The following FAF1 variants were observed in gnomAD, a reference collection of about 807,000 sequenced individuals.
FAF1 encodes Fas associated factor 1.
FAF1 carries 25 observed loss-of-function variants against 92.5 expected under a neutral mutation model. That is an observed-to-expected ratio of 0.27 (90% CI 0.20 to 0.38). The LOEUF (loss-of-function observed/expected upper bound fraction) is 0.38, where lower values mean the gene tolerates loss of function less well. Ranked by LOEUF, FAF1 falls within the 10% of genes least tolerant of loss-of-function variation. The pLI is 1.00. For synonymous variants in FAF1, 234 were observed against 273.2 expected (o/e 0.86, Z 1.42); for missense variants, 636 against 793.3 (o/e 0.80, Z 2.38).
chr1:50,544,318 A>G (rs1648900740), intron 13 of FAF1, among the ~76,000 whole-genome samples: 1 of 152,246 alleles, frequency 6.6e-6, no homozygotes, highest in Admixed American at 6.5e-5. Context: ...TTAGTGGCCT[A>G]TAAATCACCT....
chr1:50,941,870 T>C (rs746369720), intron 1 of FAF1, among the ~76,000 whole-genome samples: 18 of 152,254 alleles, frequency 1.2e-4, no homozygotes, highest in African/African-American at 1.9e-4. Flanking sequence ...GTAAATTTTA[T>C]ACATACTTTG....
chr1:50,914,217 T>C (rs1283680298), intron 1 of FAF1, among the ~76,000 whole-genome samples: 1 of 152,244 alleles, frequency 6.6e-6, no homozygotes, highest in Admixed American at 6.5e-5. Flanking sequence ...TTAACAGCTA[T>C]GATTTAATTT....
At chr1:50,900,480 T>C (rs1459880427) in intron 1 of FAF1, among the ~76,000 whole-genome samples, 1 of 152,148 alleles carries the variant, frequency 6.6e-6, no homozygotes, top group Non-Finnish European at 1.5e-5. Context: ...GAAGCAATTT[T>C]GAGAGTGACC....
At chr1:50,575,524 T>C (rs892858346) in intron 12 of FAF1, among the ~76,000 whole-genome samples, 6 of 152,220 alleles carry the variant, frequency 3.9e-5, no homozygotes, top group African/African-American at 1.4e-4. Flanking sequence ...TTTGGAATTA[T>C]GTGGTGTCAT....
chr1:50,708,251 G>A (rs1486968820), intron 6 of FAF1, among the ~76,000 whole-genome samples: 1 of 152,188 alleles, frequency 6.6e-6, no homozygotes, highest in Non-Finnish European at 1.5e-5. Context: ...GGAAAGAAGT[G>A]ACAGTAGCTT....
At chr1:50,794,268 A>G (rs1469328214) in intron 3 of FAF1, among the ~76,000 whole-genome samples, 1 of 152,014 alleles carries the variant, frequency 6.6e-6, no homozygotes, top group African/African-American at 2.4e-5. Context: ...TTAACTGAGG[A>G]AAAAAAAATT....
chr1:50,474,370 T>C (rs1646612536), intron 18 of FAF1, among the ~76,000 whole-genome samples: 1 of 152,212 alleles, frequency 6.6e-6, no homozygotes, highest in Admixed American at 6.5e-5. Context: ...GCTTCGTTTT[T>C]CAGCATGAAG....
At chr1:50,714,512 AAAAC>A (rs1023897570) in intron 6 of FAF1, among the ~76,000 whole-genome samples, 6 of 152,268 alleles carry the variant, frequency 3.9e-5, no homozygotes, top group South Asian at 2.1e-4. Flanking sequence ...CTTTGTCTCA[AAAAC>A]AAACAAACAA....
At chr1:50,825,152 T>C (rs1644084283) in intron 2 of FAF1, among the ~76,000 whole-genome samples, 1 of 152,098 alleles carries the variant, frequency 6.6e-6, no homozygotes, top group Non-Finnish European at 1.5e-5. Context: ...AGGTGATGGA[T>C]ATCCTGATTA....
At chr1:50,819,105 G>C (rs1644005937) in intron 2 of FAF1, among the ~76,000 whole-genome samples, 1 of 152,074 alleles carries the variant, frequency 6.6e-6, no homozygotes, top group South Asian at 2.1e-4. Context: ...ATCCAGACTA[G>C]GGATGCTCAA....
intron 15 of FAF1, among the ~76,000 whole-genome samples, chr1:50,510,162 T>C (rs1647115400): frequency 7.4e-6 from 1 of 135,214 alleles, no homozygotes; most frequent in African/African-American, 2.8e-5. Context: ...CGAGACTCTG[T>C]CTCAAAAAAA....
chr1:50,697,502 A>G (rs1657283964), intron 7 of FAF1, among the ~76,000 whole-genome samples: 2 of 152,184 alleles, frequency 1.3e-5, no homozygotes, highest in African/African-American at 4.8e-5. Context: ...GTTTTGGTTA[A>G]GCTACAGGGC....
chr1:50,889,366 C>T (rs934667293), intron 1 of FAF1, among the ~76,000 whole-genome samples: 2 of 152,178 alleles, frequency 1.3e-5, no homozygotes, highest in Admixed American at 6.5e-5. Context: ...CTATCTCCTT[C>T]AGTTCTGCTC....
At chr1:50,450,715 G>A (rs577770363) in intron 18 of FAF1, among the ~76,000 whole-genome samples, 2 of 152,208 alleles carry the variant, frequency 1.3e-5, no homozygotes, top group East Asian at 1.9e-4. Context: ...GTATCAGAGG[G>A]GGAACTTAGG....
chr1:50,622,723 A>G (rs1332983344), intron 8 of FAF1, among the ~76,000 whole-genome samples: 1 of 152,134 alleles, frequency 6.6e-6, no homozygotes, highest in Admixed American at 6.5e-5. Flanking sequence ...AGGAACAGAG[A>G]GGATTCCAGT....
At chr1:50,891,308 C>A (rs1231654326) in intron 1 of FAF1, among the ~76,000 whole-genome samples, 3 of 151,856 alleles carry the variant, frequency 2.0e-5, no homozygotes, top group Non-Finnish European at 4.4e-5. Context: ...GTTCGAACAT[C>A]TTCCTTTAGC....
chr1:50,596,340 G>A, intron 8 of FAF1, 124 bp from the exon 9 acceptor site: 1 of 661,814 alleles, frequency 1.5e-6, no homozygotes, highest in South Asian at 2.0e-5. Flanking sequence ...TAGTATCCTG[G>A]GTATTACATT....
intron 8 of FAF1, among the ~76,000 whole-genome samples, chr1:50,615,326 G>A (rs2124152168): frequency 6.6e-6 from 1 of 152,274 alleles, no homozygotes; most frequent in East Asian, 1.9e-4. Context: ...TTGCTATTGT[G>A]AATAGCACTG....
chr1:50,488,162 A>G (rs1490123319), intron 17 of FAF1, among the ~76,000 whole-genome samples: 4 of 152,176 alleles, frequency 2.6e-5, no homozygotes, highest in Admixed American at 2.6e-4. Flanking sequence ...ATTTTATGGG[A>G]GCATATCAAT....
Sources: allele counts gnomAD v4.1 joint callset (sites outside exome capture counted in the v4.1 genomes callset), GRCh38; gene constraint gnomAD v4.1.1; transcripts MANE v1.5; gene names NCBI Gene and HGNC (gene_info 2026-07-23, HGNC 2026-07-21).